The following MYH16 variants were observed in gnomAD, a reference collection of about 807,000 sequenced individuals.
MYH16 encodes putative uncharacterized protein MYH16.
intron 26 of MYH16, 66 bp from the exon 9 acceptor site, chr7:99,285,316 G>A: frequency 2.2e-6 from 1 of 453,204 alleles, no homozygotes; most frequent in Non-Finnish European, 4.4e-6. Context: ...CGTCCTAAAA[G>A]GCTAAGGGGC....
intron 7 of MYH16, chr7:99,253,446 T>C (rs1353864201): frequency 6.6e-6 from 1 of 151,934 alleles, no homozygotes; most frequent in Non-Finnish European, 1.5e-5. Context: ...AAAATAATAA[T>C]AATAATAAAG....
chr7:99,241,276 G>T (rs1584338634), intron 1 of MYH16, among the ~76,000 whole-genome samples: 1 of 152,168 alleles, frequency 6.6e-6, no homozygotes, highest in South Asian at 2.1e-4. Flanking sequence ...CCCTGGAAAT[G>T]AATTCAGAAT....
chr7:99,244,567 A>G lies in MYH16; in HGVS notation n.354+1146A>G, dbSNP rs1370105550. On this transcript the variant is annotated intron_variant and non_coding_transcript_variant, in intron 2 of 41. Transcript: ENST00000439784. Reference sequence around the variant, plus strand: ...CTGGGGGTTCCCCTTCCCTGGGTCTATGGTTATAGTCAAGAGGGCTTCTGT... The same window carrying G: ...CTGGGGGTTCCCCTTCCCTGGGTCTGTGGTTATAGTCAAGAGGGCTTCTGT... 7.2e-5 allele frequency among the ~76,000 whole-genome samples: 11 copies of G among 152,116 alleles called. No individual in the cohort carries two copies. The East Asian group carries it at 9.6e-4, about 13-fold the overall frequency.
intron 30 of MYH16, among the ~76,000 whole-genome samples, chr7:99,290,172 C>T (rs992298777): frequency 3.3e-5 from 5 of 152,186 alleles, no homozygotes; most frequent in African/African-American, 1.2e-4. Flanking sequence ...GGCCTTACTT[C>T]TCACATCTGG....
At chr7:99,268,324 C>T (rs1792007031) in intron 18 of MYH16, among the ~76,000 whole-genome samples, 1 of 152,190 alleles carries the variant, frequency 6.6e-6, no homozygotes, top group Non-Finnish European at 1.5e-5. Context: ...CCTACCCACC[C>T]TTGACAGATG....
At chr7:99,307,245 G>A (rs1792695086), downstream of MYH16, among the ~76,000 whole-genome samples, 1 of 152,076 alleles carries the variant, frequency 6.6e-6, no homozygotes, top group South Asian at 2.1e-4. Context: ...ATTTTTCACT[G>A]GAGATTTCAT....
At chr7:99,290,486 CAAAAAAA>C in intron 30 of MYH16, among the ~76,000 whole-genome samples, 1 of 55,558 alleles carries the variant, frequency 1.8e-5, no homozygotes, top group East Asian at 5.9e-4. Context: ...GACCCTGTCT[CAAAAAAA>C]AAAAAAAAAA....
intron 38 of MYH16, among the ~76,000 whole-genome samples, chr7:99,302,323 C>T (rs1267732013): frequency 2.1e-4 from 25 of 116,418 alleles, no homozygotes; most frequent in African/African-American, 1.0e-3. Flanking sequence ...TATATACACA[C>T]ACACACACAC....
intron 22 of MYH16, among the ~76,000 whole-genome samples, chr7:99,280,306 T>A (rs1352020023): frequency 1.3e-5 from 2 of 152,284 alleles, no homozygotes; most frequent in African/African-American, 4.8e-5. Context: ...GCAGAGAACA[T>A]GTCCGTCACT....
At chr7:99,267,023 C>T (rs923242030) in intron 18 of MYH16, 1 of 152,632 alleles carries the variant, frequency 6.6e-6, no homozygotes, top group Non-Finnish European at 1.5e-5. Context: ...CAGCCTTTTT[C>T]CAAGAAGGTG....
chr7:99,246,751 G>GC (rs1231905153), intron 2 of MYH16, among the ~76,000 whole-genome samples: 2 of 151,634 alleles, frequency 1.3e-5, no homozygotes, highest in Admixed American at 6.6e-5. Flanking sequence ...AAAGAAACTA[G>GC]CCCAGCATTT....
intron 29 of MYH16, among the ~76,000 whole-genome samples, chr7:99,288,566 A>G (rs1402118860): frequency 6.6e-6 from 1 of 150,710 alleles, no homozygotes; most frequent in Non-Finnish European, 1.5e-5. Context: ...CCTGGCCAAC[A>G]TGGTGAAACC....
intron 27 of MYH16, 104 bp downstream of exon 9, chr7:99,285,542 G>C (rs1584352920): frequency 2.3e-6 from 1 of 426,252 alleles, no homozygotes; most frequent in African/African-American, 2.1e-5. Flanking sequence ...AGAGAAGGCA[G>C]GTGTCCAGCT....
chr7:99,251,229 CA>C (rs1563102885), intron 6 of MYH16: 1 of 189,740 alleles, frequency 5.3e-6, no homozygotes, highest in South Asian at 1.1e-4. Flanking sequence ...GCTGGTGGGA[CA>C]GGGGTCACGA....
chr7:99,296,803 A>G, exon 34 of MYH16: 1 of 456,830 alleles, frequency 2.2e-6, no homozygotes, highest in Non-Finnish European at 4.4e-6. Context: ...GGAAGTGGAC[A>G]GCTCGCAGAA....
chr7:99,259,849 G>GTATA lies in MYH16; in HGVS notation n.1405-299_1405-296dup, dbSNP rs143467965. 6.9e-4 allele frequency among the ~76,000 whole-genome samples: 100 copies of GTATA among 145,040 alleles called. 1 individual carries two copies. Among genetic ancestry groups the GTATA allele is most frequent in the Middle Eastern group, 3.6e-3 (1 of 278 alleles). ...ATATTATATATATATGTATGTATGT[G>GTATA]TATATATATATATATATATTTCTGT... On this transcript the variant is annotated intron_variant and non_coding_transcript_variant, in intron 11 of 41. Coordinates refer to ENST00000439784, the Ensembl canonical transcript of MYH16.
chr7:99,267,711 C>T (rs562854797), intron 18 of MYH16, among the ~76,000 whole-genome samples: 21 of 152,292 alleles, frequency 1.4e-4, no homozygotes, highest in Admixed American at 8.5e-4. Flanking sequence ...TCATGGGGCC[C>T]GAGTTGCCCT....
intron 12 of MYH16, chr7:99,260,337 G>C (rs781705615): frequency 7.8e-7 from 1 of 1,278,570 alleles, no homozygotes; most frequent in Non-Finnish European, 1.1e-6. Context: ...TGGAAAAGGT[G>C]ACTTGCTTCT....
chr7:99,278,719 T>C (rs1039668905), intron 21 of MYH16, among the ~76,000 whole-genome samples: 1 of 152,246 alleles, frequency 6.6e-6, no homozygotes, highest in Non-Finnish European at 1.5e-5. Flanking sequence ...TCCTCCCTGC[T>C]CTGCCACGGC....
Sources: allele counts gnomAD v4.1 joint callset (sites outside exome capture counted in the v4.1 genomes callset), GRCh38; gene constraint gnomAD v4.1.1; transcripts MANE v1.5; gene names NCBI Gene and HGNC (gene_info 2026-07-23, HGNC 2026-07-21).